SLC25A21: variants seen among roughly 807,000 people sequenced by gnomAD.
SLC25A21 encodes mitochondrial 2-oxodicarboxylate carrier.
A neutral mutation model predicts 43.8 loss-of-function variants in SLC25A21; 47 were observed. That is an observed-to-expected ratio of 1.07 (90% CI 0.85 to 1.37). The LOEUF is 1.37. Ranked by LOEUF, SLC25A21 falls within the 40% of genes most tolerant of loss-of-function variation. SLC25A21 has a pLI of 0.00. For missense variants in SLC25A21, 352 were observed against 350.2 expected (o/e 1.00, Z -0.04); for synonymous variants, 131 against 121.3 (o/e 1.08, Z -0.52).
chr14:36,825,295 C>T (rs553477665), intron 2 of SLC25A21, among the ~76,000 whole-genome samples: 2 of 152,238 alleles, frequency 1.3e-5, no homozygotes, highest in East Asian at 3.9e-4. Flanking sequence ...TAACTAAATG[C>T]CTTTAATAAT....
intron 1 of SLC25A21, among the ~76,000 whole-genome samples, chr14:37,079,314 C>A (rs769873503): frequency 1.3e-5 from 2 of 152,154 alleles, no homozygotes; most frequent in Non-Finnish European, 2.9e-5. Context: ...GAACTGAACT[C>A]ATTTCCTTCT....
At chr14:36,869,012 C>A (rs778594820) in intron 2 of SLC25A21, among the ~76,000 whole-genome samples, 4 of 152,206 alleles carry the variant, frequency 2.6e-5, no homozygotes, top group Non-Finnish European at 5.9e-5. Context: ...GGCAACACCA[C>A]CTTCTCCCTT....
chr14:37,022,147 G>A (rs1379782962), intron 1 of SLC25A21, among the ~76,000 whole-genome samples: 1 of 151,620 alleles, frequency 6.6e-6, no homozygotes, highest in Non-Finnish European at 1.5e-5. Flanking sequence ...TGAAATTTGA[G>A]AGACTGCCAT....
rs199923394 is a variant in SLC25A21, at chr14:37,160,588, G to A, written c.70+11693C>T. On this transcript the variant is annotated intron_variant, in intron 1 of 9. Transcript: ENST00000331299. ...AAGGGTGAGAGAGGCAGGAGGGCAAGGATAAAGAGAAGTAGGTTAAAGAGT... is the reference window on the plus strand; with the variant it reads ...AAGGGTGAGAGAGGCAGGAGGGCAAAGATAAAGAGAAGTAGGTTAAAGAGT... 5.9e-5 allele frequency among the ~76,000 whole-genome samples: 9 copies of A among 152,150 alleles called. No homozygotes were observed. In the East Asian group the frequency reaches 1.7e-3, roughly 30 times the overall value.
At chr14:36,794,039 C>T (rs1266265306) in intron 3 of SLC25A21, among the ~76,000 whole-genome samples, 1 of 151,354 alleles carries the variant, frequency 6.6e-6, no homozygotes, top group African/African-American at 2.4e-5. Context: ...GAATAATATT[C>T]ATAGGAAAAT....
chr14:36,776,490 G>C (rs1221304576), intron 3 of SLC25A21, among the ~76,000 whole-genome samples: 1 of 151,590 alleles, frequency 6.6e-6, no homozygotes, highest in East Asian at 2.0e-4. Flanking sequence ...CACCCGCCTC[G>C]GCTAGGATTA....
In SLC25A21 at chr14:37,119,577, GAAAA is replaced by G. The variant is rs1419329565; in HGVS notation, c.70+52700_70+52703del. Among the ~76,000 whole-genome samples, 6 of 17,208 alleles carry G rather than the reference GAAAA, an allele frequency of 3.5e-4. No homozygotes were observed. The Admixed American group carries it at 6.8e-3, about 19-fold the overall frequency. The allele number at this position is 17,208 out of a possible 152,430, so 11.3% of individuals were successfully genotyped here. On this transcript the variant is annotated intron_variant, in intron 1 of 9. Coordinates refer to ENST00000331299, the MANE Select transcript of SLC25A21 (RefSeq NM_030631.4). The stretch of plus-strand genomic sequence containing the variant: ...ATAAAAAAAAAGAAAAAAGAAAAAA[GAAAA>G]GAAAAGAACTATAAGCATAATCAGT...
chr14:37,099,456 C>G (rs981652809), intron 1 of SLC25A21, among the ~76,000 whole-genome samples: 3 of 152,112 alleles, frequency 2.0e-5, no homozygotes, highest in African/African-American at 4.8e-5. Flanking sequence ...CTCAATCATC[C>G]TCCTGGGTCT....
intron 1 of SLC25A21, among the ~76,000 whole-genome samples, chr14:37,063,617 C>T (rs946206877): frequency 6.6e-6 from 1 of 151,896 alleles, no homozygotes; most frequent in African/African-American, 2.4e-5. Flanking sequence ...TAATAGTTAC[C>T]GTGGATTTGT....
chr14:36,918,026 A>G (rs2138620267), intron 1 of SLC25A21, among the ~76,000 whole-genome samples: 1 of 152,262 alleles, frequency 6.6e-6, no homozygotes, highest in East Asian at 1.9e-4. Context: ...GTATACGCAT[A>G]TCTACAGCCT....
chr14:36,716,479 C>T (rs956462376), intron 6 of SLC25A21, among the ~76,000 whole-genome samples: 12 of 152,094 alleles, frequency 7.9e-5, no homozygotes, highest in African/African-American at 2.7e-4. Flanking sequence ...CTATAGTAAC[C>T]ATTTTACTGT....
At chr14:36,809,650 A>G (rs1206437221) in intron 3 of SLC25A21, among the ~76,000 whole-genome samples, 1 of 152,148 alleles carries the variant, frequency 6.6e-6, no homozygotes, top group Non-Finnish European at 1.5e-5. Flanking sequence ...GAACCATTTC[A>G]TTTTCTTAAT....
intron 1 of SLC25A21, among the ~76,000 whole-genome samples, chr14:37,051,818 C>T (rs755983966): frequency 6.6e-6 from 1 of 152,156 alleles, no homozygotes; most frequent in African/African-American, 2.4e-5. Flanking sequence ...GGAAAATACT[C>T]TGACCTCATT....
intron 1 of SLC25A21, among the ~76,000 whole-genome samples, chr14:37,154,460 TA>T (rs200879163): frequency 6.4e-5 from 9 of 141,414 alleles, no homozygotes; most frequent in African/African-American, 1.6e-4. Flanking sequence ...ACAGGAAACA[TA>T]AAAAAAAATC....
intron 3 of SLC25A21, among the ~76,000 whole-genome samples, chr14:36,797,989 C>T (rs923575706): frequency 1.2e-4 from 19 of 152,102 alleles, no homozygotes; most frequent in Admixed American, 7.9e-4. Flanking sequence ...TTAAAACAAA[C>T]ACACAGAAAA....
At chr14:36,979,141 T>C (rs371723262) in intron 1 of SLC25A21, among the ~76,000 whole-genome samples, 3 of 152,142 alleles carry the variant, frequency 2.0e-5, no homozygotes, top group Admixed American at 6.6e-5. Flanking sequence ...TTAGACAGCA[T>C]GATGCTGTTC....
intron 1 of SLC25A21, among the ~76,000 whole-genome samples, chr14:37,033,714 C>T (rs1961267404): frequency 6.6e-6 from 1 of 152,040 alleles, no homozygotes; most frequent in South Asian, 2.1e-4. Flanking sequence ...TATTTTTATT[C>T]CCTCAGTCTG....
chr14:36,745,824 A>G (rs1027070334), intron 3 of SLC25A21, among the ~76,000 whole-genome samples: 2 of 152,196 alleles, frequency 1.3e-5, no homozygotes, highest in Non-Finnish European at 2.9e-5. Flanking sequence ...AAAAGAAGAC[A>G]TACACGTGGC....
intron 3 of SLC25A21, among the ~76,000 whole-genome samples, chr14:36,810,882 A>AGAG (rs1258990844): frequency 8.5e-5 from 8 of 94,476 alleles, no homozygotes; most frequent in African/African-American, 2.3e-4. Context: ...TAGAGAAAGA[A>AGAG]AAGAGTGGGG....
Sources: allele counts gnomAD v4.1 joint callset (sites outside exome capture counted in the v4.1 genomes callset), GRCh38; gene constraint gnomAD v4.1.1; transcripts MANE v1.5; gene names NCBI Gene and HGNC (gene_info 2026-07-23, HGNC 2026-07-21).